TXN2: variants seen among roughly 807,000 people sequenced by gnomAD.
The protein encoded by TXN2 is thioredoxin 2.
TXN2 carries 12 observed loss-of-function variants against 14.6 expected under a neutral mutation model. That is an observed-to-expected ratio of 0.82 (90% CI 0.53 to 1.33). TXN2 has a LOEUF of 1.33. Among genes scored for constraint, TXN2 ranks in the 40% most tolerant of loss-of-function variants. The pLI is 0.00. For synonymous variants in TXN2, 89 were observed against 81.0 expected (o/e 1.10, Z -0.53); for missense variants, 173 against 207.7 (o/e 0.83, Z 1.03).
intron 2 of TXN2, among the ~76,000 whole-genome samples, 197 bp from the exon 3 acceptor site, chr22:36,477,053 A>C (rs1273683496): frequency 6.6e-6 from 1 of 152,206 alleles, no homozygotes; most frequent in African/African-American, 2.4e-5. Flanking sequence ...CAGACTTTTA[A>C]AACACAGGCC....
chr22:36,481,130 A>G, intron 1 of TXN2: 1 of 321,256 alleles, frequency 3.1e-6, no homozygotes, highest in South Asian at 5.4e-5. Flanking sequence ...TAATGTATGT[A>G]AGGACCAAGT....
chr22:36,478,480 T>C (rs1179314740), intron 2 of TXN2, among the ~76,000 whole-genome samples: 1 of 152,194 alleles, frequency 6.6e-6, no homozygotes, highest in Non-Finnish European at 1.5e-5. Flanking sequence ...ACTCCTATTT[T>C]ATTCTCAGCA....
chr22:36,469,791 A>C (rs574297434), intron 3 of TXN2, among the ~76,000 whole-genome samples: 1 of 152,156 alleles, frequency 6.6e-6, no homozygotes, highest in East Asian at 1.9e-4. Flanking sequence ...CCCCGTCTCT[A>C]CTAAAAATAC....
At chr22:36,481,444 A>T (rs1469613674) in intron 1 of TXN2, 120 bp downstream of exon 1, 1 of 275,934 alleles carries the variant, frequency 3.6e-6, no homozygotes. Context: ...ATCACCAGGG[A>T]CCCTGGCTCT....
At chr22:36,476,706 C>T in intron 3 of TXN2, 27 bp downstream of exon 3, 2 of 1,613,996 alleles carry the variant, frequency 1.2e-6, no homozygotes, top group Non-Finnish European at 1.7e-6. Flanking sequence ...ACTGGCTTCC[C>T]TGTGGCAACT....
At chr22:36,478,698 C>G (rs1031590396) in intron 2 of TXN2, among the ~76,000 whole-genome samples, 1 of 152,176 alleles carries the variant, frequency 6.6e-6, no homozygotes, top group African/African-American at 2.4e-5. Context: ...CATAATGGCT[C>G]ACACCTGTAA....
chr22:36,480,984 G>C (rs1267941626), intron 1 of TXN2, 147 bp from the exon 2 acceptor site: 1 of 904,438 alleles, frequency 1.1e-6, no homozygotes, highest in Non-Finnish European at 1.5e-6. Flanking sequence ...TAGCGTGGAA[G>C]TGAGGAAGCA....
chr22:36,477,504 G>A (rs776301925), intron 2 of TXN2, among the ~76,000 whole-genome samples: 6 of 152,164 alleles, frequency 3.9e-5, no homozygotes, highest in Admixed American at 6.5e-5. Context: ...CACCGCGCCC[G>A]GCCTGGGCCC....
intron 3 of TXN2, among the ~76,000 whole-genome samples, chr22:36,472,949 T>C (rs958635139): frequency 5.3e-5 from 8 of 151,936 alleles, no homozygotes; most frequent in African/African-American, 1.7e-4. Flanking sequence ...CTTCAGAACA[T>C]TGGCTTCTCT....
intron 2 of TXN2, among the ~76,000 whole-genome samples, chr22:36,479,295 T>C (rs1933449266): frequency 6.6e-6 from 1 of 151,688 alleles, no homozygotes; most frequent in Non-Finnish European, 1.5e-5. Flanking sequence ...CGAAACAATC[T>C]GTCAGAGACC....
chr22:36,467,481 G>A lies in TXN2; in HGVS notation c.*323C>T. 3.1e-6 allele frequency: 1 copy of A among 319,300 alleles called. No homozygotes were observed. Among genetic ancestry groups the A allele is most frequent in the Non-Finnish European group, 6.0e-6 (1 of 167,160 alleles). The allele number at this position is 319,300 out of a possible 1,614,324, so 19.8% of individuals were successfully genotyped here. ...TGGAAGGGACCAAGATGAGGACCAA[G>A]GTGTGGCTGCCTGACTAGGAACGCT... On this transcript the variant is annotated 3_prime_UTR_variant, in exon 4 of 4. Coordinates refer to ENST00000216185, the MANE Select transcript of TXN2 (RefSeq NM_012473.4).
chr22:36,477,378 T>C (rs958365656), intron 2 of TXN2, among the ~76,000 whole-genome samples: 4 of 152,146 alleles, frequency 2.6e-5, no homozygotes, highest in African/African-American at 7.2e-5. Flanking sequence ...CAGCTAATTT[T>C]TTGTATTTTT....
intron 3 of TXN2, among the ~76,000 whole-genome samples, chr22:36,471,028 G>A (rs917686996): frequency 2.0e-5 from 3 of 152,126 alleles, no homozygotes; most frequent in African/African-American, 7.2e-5. Context: ...CAGGAAACCT[G>A]AGCTGGAATG....
At chr22:36,469,061 A>AATAAATAC (rs879318057) in intron 3 of TXN2, among the ~76,000 whole-genome samples, 400 of 151,052 alleles carry the variant, frequency 2.6e-3, no homozygotes, top group African/African-American at 8.9e-3. Flanking sequence ...TAAATAAATA[A>AATAAATAC]ATAAATAAAT....
At chr22:36,471,587 T>C (rs151023217) in intron 3 of TXN2, among the ~76,000 whole-genome samples, 29 of 152,320 alleles carry the variant, frequency 1.9e-4, no homozygotes, top group African/African-American at 6.5e-4. Flanking sequence ...AACACCTCTA[T>C]ACACTATCTC....
chr22:36,480,484 C>A, intron 2 of TXN2, 91 bp downstream of exon 2: 1 of 1,510,638 alleles, frequency 6.6e-7, no homozygotes, highest in Non-Finnish European at 9.0e-7. Context: ...TACATATGAG[C>A]AGCATAGAAC....
chr22:36,468,976 A>C (rs536765547), intron 3 of TXN2, among the ~76,000 whole-genome samples: 1 of 151,950 alleles, frequency 6.6e-6, no homozygotes, highest in Non-Finnish European at 1.5e-5. Context: ...TGGGAGGTGG[A>C]GGCTGGAGTC....
chr22:36,480,562 C>T lies in TXN2; in HGVS notation c.263+13G>A. The stretch of plus-strand genomic sequence containing the variant: ...AGTAGGACCCTAGTCTTCTGTGGAC[C>T]CCCAATACTCACTGTGCGTGGAAAT... On this transcript the variant is annotated intron_variant, in intron 2 of 3. Coordinates refer to ENST00000216185, the MANE Select transcript of TXN2 (RefSeq NM_012473.4). The T allele has an allele frequency of 1.2e-6, 2 of 1,610,950 alleles. No individual in the cohort carries two copies. Among genetic ancestry groups the T allele is most frequent in the Non-Finnish European group, 1.7e-6 (2 of 1,178,610 alleles).
rs766807910 is a variant in TXN2, at chr22:36,480,194, CTT to C, written c.263+379_263+380del. Among the ~76,000 whole-genome samples the C allele has an allele frequency of 1.6e-3, 238 of 152,302 alleles. 2 individuals are homozygous for C. The Middle Eastern group carries it at 0.031, about 20-fold the overall frequency. ...CACCGCACCCGGCCGACACTGATAA[CTT>C]TTTGCCAGCCCTTCTTGCGGTTTTC... On this transcript the variant is annotated intron_variant, in intron 2 of 3. Coordinates refer to ENST00000216185, the MANE Select transcript of TXN2 (RefSeq NM_012473.4).
Sources: gnomAD v4.1 joint callset for allele counts (sites outside exome capture counted in the v4.1 genomes callset) on GRCh38, gnomAD v4.1.1 for gene constraint, MANE v1.5 for transcripts, NCBI Gene and HGNC (gene_info 2026-07-23, HGNC 2026-07-21) for gene names.